Variants in HIPK2 observed in about 807,000 individuals in gnomAD.
HIPK2 encodes the protein homeodomain interacting protein kinase 2.
A neutral mutation model predicts 113.7 loss-of-function variants in HIPK2; 27 were observed. The ratio of observed to expected loss-of-function variants is 0.24; its 90% CI spans 0.17 to 0.33. The LOEUF is 0.33. HIPK2 is among the 10% of genes least tolerant of loss of function. The probability of loss-of-function intolerance (pLI) is 1.00; values close to 1 mark genes in which losing one functional copy is unlikely to be tolerated. For missense variants in HIPK2, 1,257 were observed against 1,588.0 expected (o/e 0.79, Z 3.54); for synonymous variants, 631 against 642.2 (o/e 0.98, Z 0.26).
At chr7:139,777,565 G>A (rs1796802135) in intron 1 of HIPK2, 40 bp downstream of exon 1, 2 of 965,390 alleles carry the variant, frequency 2.1e-6, no homozygotes, top group South Asian at 4.7e-5. Flanking sequence ...GGCCGCGGAG[G>A]GCGGCGGGCG....
At chr7:139,723,287 G>A (rs550493875) in intron 1 of HIPK2, among the ~76,000 whole-genome samples, 6 of 149,706 alleles carry the variant, frequency 4.0e-5, no homozygotes, top group African/African-American at 1.2e-4. Context: ...TCTGCCTCTC[G>A]AGTTCAAGCG....
intron 1 of HIPK2, among the ~76,000 whole-genome samples, chr7:139,735,472 G>T (rs1222673473): frequency 2.0e-5 from 3 of 152,180 alleles, no homozygotes; most frequent in African/African-American, 7.2e-5. Flanking sequence ...GCTAGGCTGA[G>T]GACTGTAGAG....
intron 1 of HIPK2, among the ~76,000 whole-genome samples, chr7:139,749,001 G>A (rs1796236944): frequency 6.6e-6 from 1 of 152,196 alleles, no homozygotes; most frequent in Admixed American, 6.5e-5. Flanking sequence ...CACTATCCTC[G>A]ATTTAACAAG....
At chr7:139,616,400 T>C (rs111317446) in intron 7 of HIPK2, among the ~76,000 whole-genome samples, 4,066 of 152,274 alleles carry the variant, frequency 0.027, 179 homozygotes, top group African/African-American at 0.093. Flanking sequence ...ATGAACATGG[T>C]ATGCGCCTGG....
chr7:139,674,715 C>A (rs1375653722), intron 2 of HIPK2, among the ~76,000 whole-genome samples: 3 of 152,182 alleles, frequency 2.0e-5, no homozygotes, highest in African/African-American at 7.2e-5. Context: ...ATTCCCAGAG[C>A]TAATTAATCA....
intron 2 of HIPK2, among the ~76,000 whole-genome samples, chr7:139,632,630 A>G (rs951115262): frequency 6.6e-6 from 1 of 152,204 alleles, no homozygotes; most frequent in African/African-American, 2.4e-5. Flanking sequence ...AAACCCCAAG[A>G]GAACATTTCA....
chr7:139,681,039 T>C (rs1228703263), intron 2 of HIPK2, among the ~76,000 whole-genome samples: 1 of 152,200 alleles, frequency 6.6e-6, no homozygotes, highest in Non-Finnish European at 1.5e-5. Flanking sequence ...ATAAAGCCAC[T>C]CTTCAAGCTC....
intron 2 of HIPK2, among the ~76,000 whole-genome samples, chr7:139,704,851 G>A (rs548286036): frequency 2.7e-4 from 41 of 152,236 alleles, no homozygotes; most frequent in African/African-American, 5.1e-4. Context: ...GGACTCTAGC[G>A]TTGCTCCTGG....
intron 2 of HIPK2, among the ~76,000 whole-genome samples, chr7:139,640,298 C>G (rs988527631): frequency 6.6e-6 from 1 of 152,210 alleles, no homozygotes. Flanking sequence ...GATTTAGCTC[C>G]ACTCGCTCTC....
chr7:139,615,149 C>G (rs1412348966), intron 7 of HIPK2, among the ~76,000 whole-genome samples: 1 of 152,196 alleles, frequency 6.6e-6, no homozygotes, highest in Non-Finnish European at 1.5e-5. Flanking sequence ...GTCTCAGTAC[C>G]CAGAGCTTGG....
chr7:139,581,881 C>T (rs1274540462), intron 13 of HIPK2, among the ~76,000 whole-genome samples: 2 of 152,190 alleles, frequency 1.3e-5, no homozygotes, highest in African/African-American at 2.4e-5. Context: ...GAGGTTTGCA[C>T]AAACATATAT....
intron 12 of HIPK2, among the ~76,000 whole-genome samples, chr7:139,591,425 C>A (rs1357082851): frequency 1.3e-5 from 2 of 152,146 alleles, no homozygotes; most frequent in African/African-American, 2.4e-5. Flanking sequence ...TTCCTCATCA[C>A]CTTCAGTCTA....
At chr7:139,705,949 C>G (rs989619642) in intron 2 of HIPK2, among the ~76,000 whole-genome samples, 1 of 152,098 alleles carries the variant, frequency 6.6e-6, no homozygotes, top group East Asian at 1.9e-4. Flanking sequence ...GCAGCTCTTA[C>G]GTACGAAGAC....
chr7:139,712,745 A>G (rs985018037), intron 2 of HIPK2, among the ~76,000 whole-genome samples: 12 of 152,194 alleles, frequency 7.9e-5, no homozygotes, highest in African/African-American at 2.7e-4. Flanking sequence ...AGGAAAATCA[A>G]CTTGATAAAC....
chr7:139,604,322 TTC>T, intron 9 of HIPK2, 99 bp from the exon 10 acceptor site: 1 of 1,493,802 alleles, frequency 6.7e-7, no homozygotes, highest in Middle Eastern at 1.8e-4. Flanking sequence ...GTGCTAGACA[TTC>T]TCATGGGTGT....
At chr7:139,580,158 C>T (rs1798622635) in intron 13 of HIPK2, among the ~76,000 whole-genome samples, 1 of 152,198 alleles carries the variant, frequency 6.6e-6, no homozygotes, top group South Asian at 2.1e-4. Flanking sequence ...TGCTCTGCGG[C>T]GGGTCACAGA....
chr7:139,644,675 C>G (rs1801147049), intron 2 of HIPK2, among the ~76,000 whole-genome samples: 1 of 152,250 alleles, frequency 6.6e-6, no homozygotes, highest in African/African-American at 2.4e-5. Context: ...GTTGGGAAGC[C>G]TGCTGATTCT....
chr7:139,695,994 G>A (rs1794555865), intron 2 of HIPK2, among the ~76,000 whole-genome samples: 1 of 152,214 alleles, frequency 6.6e-6, no homozygotes, highest in African/African-American at 2.4e-5. Context: ...ATCAGGATTT[G>A]AGGAAGAACA....
intron 1 of HIPK2, among the ~76,000 whole-genome samples, chr7:139,768,950 T>G (rs1337575331): frequency 6.6e-6 from 1 of 152,172 alleles, no homozygotes; most frequent in Non-Finnish European, 1.5e-5. Flanking sequence ...CCTCAGATTC[T>G]CATGTGTCAA....
Sources: allele counts gnomAD v4.1 joint callset (sites outside exome capture counted in the v4.1 genomes callset), GRCh38; gene constraint gnomAD v4.1.1; transcripts MANE v1.5; gene names NCBI Gene and HGNC (gene_info 2026-07-23, HGNC 2026-07-21).